The following STK39 variants were observed in gnomAD, a reference collection of about 807,000 sequenced individuals.
STK39 encodes STE20/SPS1-related proline-alanine-rich protein kinase.
Under a neutral mutation model 77.8 loss-of-function variants are expected in STK39, and 20 were observed. That is an observed-to-expected ratio of 0.26 (90% confidence interval 0.18 to 0.37). The LOEUF (loss-of-function observed/expected upper bound fraction) is 0.37, where lower values mean the gene tolerates loss of function less well. Among genes scored for constraint, STK39 ranks in the 10% least tolerant of loss-of-function variants. STK39 has a pLI of 1.00. For missense variants in STK39, 479 were observed against 656.5 expected (o/e 0.73, Z 2.95); for synonymous variants, 246 against 234.1 (o/e 1.05, Z -0.47).
chr2:168,115,628 T>G (rs1687238573), intron 10 of STK39, among the ~76,000 whole-genome samples: 1 of 152,214 alleles, frequency 6.6e-6, no homozygotes, highest in Admixed American at 6.5e-5. Flanking sequence ...TTGATTACGC[T>G]AATCTATGTT....
intron 1 of STK39, among the ~76,000 whole-genome samples, chr2:168,208,382 C>G (rs1414503628): frequency 6.6e-6 from 1 of 152,162 alleles, no homozygotes; most frequent in African/African-American, 2.4e-5. Flanking sequence ...ACAGAACCAA[C>G]AGAAACTTTC....
intron 1 of STK39, among the ~76,000 whole-genome samples, chr2:168,220,614 G>C (rs750338413): frequency 6.6e-6 from 1 of 152,144 alleles, no homozygotes; most frequent in Non-Finnish European, 1.5e-5. Flanking sequence ...AACGCCAAAA[G>C]AGATGTCAAA....
chr2:168,140,166 G>T, intron 7 of STK39, 123 bp downstream of exon 7: 1 of 789,338 alleles, frequency 1.3e-6, no homozygotes, highest in South Asian at 1.6e-5. Flanking sequence ...GTTCAACTTG[G>T]CTGCGTTCCT....
intron 10 of STK39, among the ~76,000 whole-genome samples, chr2:168,098,795 T>C (rs1398816632): frequency 6.6e-6 from 1 of 152,250 alleles, no homozygotes; most frequent in Non-Finnish European, 1.5e-5. Context: ...TCACACACTC[T>C]TCCAACAATG....
chr2:168,206,122 G>T (rs1286561218), intron 1 of STK39, among the ~76,000 whole-genome samples: 1 of 151,940 alleles, frequency 6.6e-6, no homozygotes, highest in Non-Finnish European at 1.5e-5. Flanking sequence ...TACCACAATC[G>T]CTGACAGCAA....
At chr2:168,079,666 A>C (rs1686175599) in intron 10 of STK39, among the ~76,000 whole-genome samples, 1 of 152,188 alleles carries the variant, frequency 6.6e-6, no homozygotes, top group South Asian at 2.1e-4. Flanking sequence ...CCCTAGACCC[A>C]CAAAATCAGA....
At chr2:168,142,689 T>C (rs1020128722) in intron 5 of STK39, among the ~76,000 whole-genome samples, 2 of 152,228 alleles carry the variant, frequency 1.3e-5, no homozygotes, top group Admixed American at 6.5e-5. Flanking sequence ...TAATGATACA[T>C]ACATTCAGAG....
intron 14 of STK39, among the ~76,000 whole-genome samples, chr2:168,017,903 T>C (rs1392523080): frequency 6.6e-6 from 1 of 152,194 alleles, no homozygotes; most frequent in East Asian, 1.9e-4. Context: ...AAAAGTTTTA[T>C]ATATTCAGTG....
At chr2:168,228,636 C>A (rs1421098891) in intron 1 of STK39, among the ~76,000 whole-genome samples, 1 of 151,806 alleles carries the variant, frequency 6.6e-6, no homozygotes, top group Non-Finnish European at 1.5e-5. Context: ...ATTAAAAATA[C>A]AAAATTAGCC....
intron 7 of STK39, among the ~76,000 whole-genome samples, chr2:168,139,182 C>T (rs968411073): frequency 4.6e-5 from 7 of 151,910 alleles, no homozygotes; most frequent in East Asian, 3.9e-4. Context: ...CAAGCAAGTG[C>T]GACTTTGAAT....
intron 5 of STK39, among the ~76,000 whole-genome samples, chr2:168,149,407 T>G (rs4668026): frequency 0.42 from 63,646 of 152,102 alleles, 14,971 homozygotes; most frequent in East Asian, 0.68. Context: ...AGTGCAGAAG[T>G]GGAAGAAGGA....
At chr2:168,094,613 T>TGACCAC (rs1234031745) in intron 10 of STK39, among the ~76,000 whole-genome samples, 1 of 152,202 alleles carries the variant, frequency 6.6e-6, no homozygotes. Flanking sequence ...TCAGAACTGC[T>TGACCAC]GACCACCTTC....
chr2:168,215,947 C>A (rs1181661814), intron 1 of STK39, among the ~76,000 whole-genome samples: 2 of 152,008 alleles, frequency 1.3e-5, no homozygotes, highest in Non-Finnish European at 2.9e-5. Context: ...GTGAAGGTGC[C>A]AAGGATGCTC....
At chr2:167,976,332 C>G (rs1342558939) in intron 16 of STK39, among the ~76,000 whole-genome samples, 3 of 152,164 alleles carry the variant, frequency 2.0e-5, no homozygotes, top group Admixed American at 6.5e-5. Flanking sequence ...TCTAGTCAAC[C>G]CCTCCTCTTG....
At chr2:168,054,270 A>C (rs1431179480) in intron 14 of STK39, among the ~76,000 whole-genome samples, 2 of 152,224 alleles carry the variant, frequency 1.3e-5, no homozygotes, top group East Asian at 3.8e-4. Context: ...CAACATGTTA[A>C]ACTGACCTAG....
chr2:168,038,794 G>A (rs924547455), intron 14 of STK39, among the ~76,000 whole-genome samples: 7 of 152,102 alleles, frequency 4.6e-5, no homozygotes, highest in African/African-American at 1.7e-4. Flanking sequence ...AAACACATGA[G>A]AAAGGTTCAA....
chr2:168,138,994 T>TAAAAC (rs1271666867), intron 7 of STK39, among the ~76,000 whole-genome samples: 2 of 152,212 alleles, frequency 1.3e-5, no homozygotes, highest in African/African-American at 4.8e-5. Flanking sequence ...TAATGCATAA[T>TAAAAC]TCAGCCTTAA....
At chr2:168,111,041 T>C (rs145745275) in intron 10 of STK39, among the ~76,000 whole-genome samples, 145 of 152,286 alleles carry the variant, frequency 9.5e-4, no homozygotes, top group Non-Finnish European at 1.8e-3. Flanking sequence ...CCTGGTCTTA[T>C]AGGACTACTC....
intron 2 of STK39, among the ~76,000 whole-genome samples, chr2:168,168,816 A>G (rs940563228): frequency 1.3e-5 from 2 of 152,112 alleles, no homozygotes; most frequent in African/African-American, 4.8e-5. Context: ...CATGAGAAAC[A>G]TTGTCTCTAC....
Sources: allele counts gnomAD v4.1 joint callset (sites outside exome capture counted in the v4.1 genomes callset), GRCh38; gene constraint gnomAD v4.1.1; transcripts MANE v1.5; gene names NCBI Gene and HGNC (gene_info 2026-07-23, HGNC 2026-07-21).